Variants in DSCAM observed in about 807,000 individuals in gnomAD.
DSCAM encodes cell adhesion molecule DSCAM.
A neutral mutation model predicts 217.7 loss-of-function variants in DSCAM; 47 were observed. The ratio of observed to expected loss-of-function variants is 0.22; its 90% confidence interval spans 0.17 to 0.28. The LOEUF is 0.28. Ranked by LOEUF, DSCAM falls within the 10% of genes least tolerant of loss-of-function variation. The probability of loss-of-function intolerance (pLI) is 1.00; values close to 1 mark genes in which losing one functional copy is unlikely to be tolerated. For synonymous variants in DSCAM, 1,056 were observed against 1,015.3 expected, an observed-to-expected ratio of 1.04 and a Z score of -0.76; for missense variants, 2,080 against 2,618.3, an observed-to-expected ratio of 0.79 and a Z score of 4.49.
At chr21:40,442,960 C>T (rs2145916586) in intron 3 of DSCAM, among the ~76,000 whole-genome samples, 1 of 152,282 alleles carries the variant, frequency 6.6e-6, no homozygotes, top group Non-Finnish European at 1.5e-5. Flanking sequence ...GAAACAAAAG[C>T]ATACAAAATA....
intron 5 of DSCAM, among the ~76,000 whole-genome samples, chr21:40,349,152 A>G (rs911886208): frequency 2.7e-5 from 4 of 147,438 alleles, no homozygotes. Flanking sequence ...AAAAAAAAAA[A>G]AAAGAAATGC....
At chr21:40,383,645 T>G (rs911459367) in intron 3 of DSCAM, 4 of 152,236 alleles carry the variant, frequency 2.6e-5, no homozygotes, top group African/African-American at 9.6e-5. Flanking sequence ...CTTTTCTTTT[T>G]TTTTAGACAA....
intron 3 of DSCAM, among the ~76,000 whole-genome samples, chr21:40,541,848 A>C (rs2076545236): frequency 6.6e-6 from 1 of 152,222 alleles, no homozygotes. Flanking sequence ...GTAGAAGACA[A>C]GTATTTGGAA....
chr21:40,424,963 G>A (rs2075457981), intron 3 of DSCAM, among the ~76,000 whole-genome samples: 1 of 151,800 alleles, frequency 6.6e-6, no homozygotes, highest in South Asian at 2.1e-4. Flanking sequence ...CTGGGCATGG[G>A]GATGGGTGCC....
chr21:40,177,035 C>T (rs548071427), intron 15 of DSCAM, among the ~76,000 whole-genome samples: 6 of 152,018 alleles, frequency 3.9e-5, no homozygotes, highest in African/African-American at 9.7e-5. Flanking sequence ...TGGGATGGGG[C>T]GAGATTAGAA....
chr21:40,436,743 C>G (rs2075586618), intron 3 of DSCAM, among the ~76,000 whole-genome samples: 1 of 152,190 alleles, frequency 6.6e-6, no homozygotes, highest in Admixed American at 6.5e-5. Context: ...AAGACGAAAA[C>G]AGCAGCGCAT....
rs77657469 is a variant in DSCAM, at chr21:40,236,690, T to A, written c.2356+39407A>T. Among the ~76,000 whole-genome samples, 71 of 152,236 alleles carry A rather than the reference T, an allele frequency of 4.7e-4. 1 individual carries two copies. In the East Asian group the frequency reaches 0.012, roughly 25 times the overall value. On this transcript the variant is annotated intron_variant, in intron 11 of 32. Coordinates refer to ENST00000400454, the MANE Select transcript of DSCAM (RefSeq NM_001389.5). ...CTCATCTTTAAAATGAGGTTAATAA[T>A]AGTACTGAAATCATTGTGGAGGAAT... is the stretch of plus-strand genomic sequence containing the variant.
chr21:40,207,119 G>T (rs764727795), intron 11 of DSCAM, among the ~76,000 whole-genome samples: 7 of 150,166 alleles, frequency 4.7e-5, no homozygotes, highest in African/African-American at 1.7e-4. Flanking sequence ...AAGTCAAACC[G>T]AAAAAAAATT....
At chr21:40,431,305 C>T (rs893522314) in intron 3 of DSCAM, among the ~76,000 whole-genome samples, 1 of 152,202 alleles carries the variant, frequency 6.6e-6, no homozygotes, top group Non-Finnish European at 1.5e-5. Context: ...CCCCTTCCTC[C>T]TCCTCAGCCT....
At chr21:40,186,884 C>T (rs2090900378) in intron 14 of DSCAM, among the ~76,000 whole-genome samples, 1 of 152,116 alleles carries the variant, frequency 6.6e-6, no homozygotes, top group South Asian at 2.1e-4. Flanking sequence ...ATCAAGGAGT[C>T]CAGCAGGAAG....
rs147688479 is a variant in DSCAM at position 40,434,960 on chromosome 21, C to T, written c.509-65715G>A. Among the ~76,000 whole-genome samples, 1,343 of 152,180 alleles carry T rather than the reference C, an allele frequency of 8.8e-3. 15 individuals are homozygous for T. Among genetic ancestry groups the T allele is most frequent in the African/African-American group, 0.031 (1,267 of 41,532 alleles). ...TAGGAAACGAAGAAAGAACATGGCC[C>T]TAGGATGACCTTTTGAGACAGGCCA... On this transcript the variant is annotated intron_variant, in intron 3 of 32. Coordinates refer to ENST00000400454, the MANE Select transcript of DSCAM (RefSeq NM_001389.5).
chr21:40,270,319 C>T (rs2073598198), intron 11 of DSCAM, among the ~76,000 whole-genome samples: 1 of 152,208 alleles, frequency 6.6e-6, no homozygotes, highest in South Asian at 2.1e-4. Flanking sequence ...GAAGCTTCTG[C>T]GGGAGACTCC....
chr21:40,322,195 C>G (rs1395249514), intron 8 of DSCAM, among the ~76,000 whole-genome samples: 1 of 152,146 alleles, frequency 6.6e-6, no homozygotes, highest in Non-Finnish European at 1.5e-5. Flanking sequence ...TCTGCTGCCC[C>G]TCGCCCAGGA....
intron 11 of DSCAM, among the ~76,000 whole-genome samples, chr21:40,196,876 G>A (rs1187033236): frequency 6.6e-6 from 1 of 152,174 alleles, no homozygotes; most frequent in East Asian, 1.9e-4. Flanking sequence ...AGACACATGA[G>A]TACTATTTTA....
At chr21:40,463,935 C>T (rs929595357) in intron 3 of DSCAM, among the ~76,000 whole-genome samples, 1 of 152,170 alleles carries the variant, frequency 6.6e-6, no homozygotes, top group Admixed American at 6.5e-5. Context: ...GCTTCTAGGA[C>T]AATCCCCCTC....
chr21:40,700,256 C>T (rs2090640965), intron 2 of DSCAM, among the ~76,000 whole-genome samples: 1 of 152,196 alleles, frequency 6.6e-6, no homozygotes, highest in Admixed American at 6.5e-5. Flanking sequence ...TGAGAGCATA[C>T]ACTTTGATAT....
chr21:40,029,225 T>A (rs1189321440), intron 32 of DSCAM, among the ~76,000 whole-genome samples: 4 of 152,180 alleles, frequency 2.6e-5, no homozygotes, highest in African/African-American at 9.7e-5. Context: ...TCTTATGATG[T>A]TTATCCTGTG....
At chr21:40,789,666 C>T (rs2091622838) in intron 1 of DSCAM, among the ~76,000 whole-genome samples, 1 of 151,760 alleles carries the variant, frequency 6.6e-6, no homozygotes, top group African/African-American at 2.4e-5. Flanking sequence ...CGCCATTCTC[C>T]TGCCTCAGCC....
chr21:40,308,639 G>A (rs2074105740), intron 9 of DSCAM, among the ~76,000 whole-genome samples: 1 of 151,994 alleles, frequency 6.6e-6, no homozygotes, highest in Non-Finnish European at 1.5e-5. Flanking sequence ...ATCTATTTGG[G>A]CTCTGCACTC....
Sources: allele counts gnomAD v4.1 joint callset (sites outside exome capture counted in the v4.1 genomes callset), GRCh38; gene constraint gnomAD v4.1.1; transcripts MANE v1.5; gene names NCBI Gene and HGNC (gene_info 2026-07-23, HGNC 2026-07-21).